Variants in CNTNAP2 observed in about 807,000 individuals in gnomAD.
CNTNAP2 encodes contactin associated protein 2.
CNTNAP2 carries 98 observed loss-of-function variants against 155.2 expected under a neutral mutation model. That is an observed-to-expected ratio of 0.63 (90% CI 0.54 to 0.75). The LOEUF (loss-of-function observed/expected upper bound fraction) is 0.75. CNTNAP2 is among the 30% of genes least tolerant of loss of function. The pLI is 0.00. For missense variants in CNTNAP2, 1,727 were observed against 1,688.1 expected (o/e 1.02, Z -0.40); for synonymous variants, 651 against 631.2 (o/e 1.03, Z -0.47).
chr7:148,015,157 G>C (rs35100395), intron 15 of CNTNAP2, among the ~76,000 whole-genome samples: 1 of 152,082 alleles, frequency 6.6e-6, no homozygotes, highest in Non-Finnish European at 1.5e-5. Context: ...CTGTCCATAA[G>C]CATGAAGGAA....
intron 4 of CNTNAP2, among the ~76,000 whole-genome samples, chr7:147,051,416 T>A (rs532823101): frequency 1.3e-5 from 2 of 152,080 alleles, no homozygotes; most frequent in Non-Finnish European, 2.9e-5. Context: ...ACCTAAAGCA[T>A]GAACTCTGCC....
chr7:147,595,790 G>A (rs1441401256), intron 12 of CNTNAP2, among the ~76,000 whole-genome samples: 2 of 152,152 alleles, frequency 1.3e-5, no homozygotes, highest in Non-Finnish European at 2.9e-5. Context: ...GTCTGGAGTA[G>A]AGAGGTTGGT....
At chr7:148,033,990 A>C (rs1274361748) in intron 15 of CNTNAP2, among the ~76,000 whole-genome samples, 2 of 152,244 alleles carry the variant, frequency 1.3e-5, no homozygotes, top group Admixed American at 6.5e-5. Context: ...CAGAGGCAGG[A>C]AAAAGAAAAT....
intron 1 of CNTNAP2, among the ~76,000 whole-genome samples, chr7:146,767,171 T>C (rs1227198035): frequency 6.6e-6 from 1 of 152,182 alleles, no homozygotes; most frequent in Non-Finnish European, 1.5e-5. Flanking sequence ...GAGAAAATAA[T>C]TAATTCTCAA....
intron 2 of CNTNAP2, among the ~76,000 whole-genome samples, chr7:146,810,988 G>T (rs1585101388): frequency 1.3e-5 from 2 of 152,252 alleles, no homozygotes; most frequent in African/African-American, 4.8e-5. Context: ...ATAAATTCCA[G>T]TTGATCACAG....
At chr7:147,000,465 T>C (rs1317158902) in intron 3 of CNTNAP2, among the ~76,000 whole-genome samples, 1 of 152,120 alleles carries the variant, frequency 6.6e-6, no homozygotes, top group African/African-American at 2.4e-5. Context: ...CATGTGCTGA[T>C]GTCTGCATAC....
intron 13 of CNTNAP2, among the ~76,000 whole-genome samples, chr7:147,864,891 C>T (rs1379822009): frequency 1.3e-5 from 2 of 152,154 alleles, no homozygotes; most frequent in East Asian, 3.9e-4. Flanking sequence ...ATTTGACTTC[C>T]TCTTTTCCTA....
chr7:146,518,799 A>T (rs1047943355), intron 1 of CNTNAP2, among the ~76,000 whole-genome samples: 3 of 151,848 alleles, frequency 2.0e-5, no homozygotes, highest in African/African-American at 7.2e-5. Context: ...AGTTACAAGT[A>T]GAAGAGAGTG....
chr7:148,380,381 T>G (rs1285714109), intron 21 of CNTNAP2, among the ~76,000 whole-genome samples: 1 of 152,222 alleles, frequency 6.6e-6, no homozygotes, highest in Non-Finnish European at 1.5e-5. Flanking sequence ...TCTATAACTT[T>G]GTGGTGCTAT....
rs77346788 is a variant in CNTNAP2 at position 146,250,992 on chromosome 7, A to G, written c.97+134019A>G. ...TCTTACTGTGAGAGTCATTTTGTTTATTGTTTGCATGAGTGACAATTTTTC... is the reference window on the plus strand; with the variant it reads ...TCTTACTGTGAGAGTCATTTTGTTTGTTGTTTGCATGAGTGACAATTTTTC... On this transcript the variant is annotated intron_variant, in intron 1 of 23. Transcript: ENST00000361727. 6.4e-3 allele frequency among the ~76,000 whole-genome samples: 981 copies of G among 152,250 alleles called. 7 individuals carry two copies. The highest frequency in any genetic ancestry group is 0.011 in the Non-Finnish European group (723 of 67,996).
chr7:147,900,535 A>G (rs1433176314), intron 13 of CNTNAP2, among the ~76,000 whole-genome samples: 1 of 152,156 alleles, frequency 6.6e-6, no homozygotes, highest in Non-Finnish European at 1.5e-5. Context: ...TTTTCTTTAT[A>G]AATGGTTAAA....
At chr7:147,792,398 T>C (rs79334756) in intron 13 of CNTNAP2, among the ~76,000 whole-genome samples, 6,793 of 152,210 alleles carry the variant, frequency 0.045, 196 homozygotes, top group Non-Finnish European at 0.058. Context: ...GATTTACCTA[T>C]CTTAGACTTT....
intron 2 of CNTNAP2, among the ~76,000 whole-genome samples, chr7:146,814,249 C>A (rs990524237): frequency 1.3e-5 from 2 of 152,056 alleles, no homozygotes; most frequent in African/African-American, 4.8e-5. Flanking sequence ...TGAATCTAGG[C>A]TTCTTCCCTA....
intron 1 of CNTNAP2, among the ~76,000 whole-genome samples, chr7:146,493,543 A>C (rs936758228): frequency 6.6e-6 from 1 of 152,176 alleles, no homozygotes; most frequent in Non-Finnish European, 1.5e-5. Context: ...AGAAAACAGA[A>C]GACAGCATGT....
chr7:147,872,079 A>G (rs74504862), intron 13 of CNTNAP2, among the ~76,000 whole-genome samples: 5,009 of 152,292 alleles, frequency 0.033, 132 homozygotes, highest in Non-Finnish European at 0.053. Context: ...CCCACCCTAC[A>G]TTCTTTGACT....
chr7:147,763,758 A>T (rs1460459688), intron 13 of CNTNAP2, among the ~76,000 whole-genome samples: 1 of 152,106 alleles, frequency 6.6e-6, no homozygotes, highest in African/African-American at 2.4e-5. Flanking sequence ...TTCAGTCTTC[A>T]CTCTCACTAC....
At chr7:147,255,131 T>C (rs1271554649) in intron 8 of CNTNAP2, among the ~76,000 whole-genome samples, 5 of 152,178 alleles carry the variant, frequency 3.3e-5, no homozygotes, top group Admixed American at 2.0e-4. Context: ...TTAGGCATAT[T>C]AAGTGTCTAG....
rs188475291 is a variant in CNTNAP2, at chr7:147,729,237, G to A, written c.2098+89931G>A. ...AGTTGTAAGCCACTGCACCCGGGAG[G>A]AAGAATGCGTATTAAAGGAAGTAAT... On this transcript the variant is annotated intron_variant, in intron 13 of 23. Coordinates refer to ENST00000361727, the MANE Select transcript of CNTNAP2 (RefSeq NM_014141.6). 3.2e-3 allele frequency among the ~76,000 whole-genome samples: 490 copies of A among 151,676 alleles called. 6 individuals carry two copies. Among genetic ancestry groups the A allele is most frequent in the African/African-American group, 0.011 (462 of 41,398 alleles).
intron 1 of CNTNAP2, among the ~76,000 whole-genome samples, chr7:146,355,020 C>T (rs1056663531): frequency 6.6e-6 from 1 of 152,110 alleles, no homozygotes; most frequent in African/African-American, 2.4e-5. Context: ...GTTACATATT[C>T]AAATGTACAG....
Sources: allele counts gnomAD v4.1 joint callset (sites outside exome capture counted in the v4.1 genomes callset), GRCh38; gene constraint gnomAD v4.1.1; transcripts MANE v1.5; gene names NCBI Gene and HGNC (gene_info 2026-07-23, HGNC 2026-07-21).